The following PRKCB variants were observed in gnomAD, a reference collection of about 807,000 sequenced individuals.
PRKCB encodes the protein protein kinase C beta type.
In PRKCB, 13 loss-of-function variants were observed where a neutral mutation model predicts 81.5. That is an observed-to-expected ratio of 0.16 (90% confidence interval 0.10 to 0.25). The LOEUF is 0.25. Ranked by LOEUF, PRKCB falls within the 10% of genes least tolerant of loss-of-function variation. The pLI is 1.00. For synonymous variants in PRKCB, 335 were observed against 321.4 expected, an observed-to-expected ratio of 1.04 and a Z score of -0.45; for missense variants, 509 against 875.7, an observed-to-expected ratio of 0.58 and a Z score of 5.29.
At chr16:24,167,732 C>A (rs982494512) in intron 10 of PRKCB, among the ~76,000 whole-genome samples, 1 of 152,176 alleles carries the variant, frequency 6.6e-6, no homozygotes. Context: ...GAACCTTTCA[C>A]ACAAGATGTA....
At chr16:23,869,673 C>A (rs1230685711) in intron 2 of PRKCB, among the ~76,000 whole-genome samples, 1 of 152,030 alleles carries the variant, frequency 6.6e-6, no homozygotes, top group African/African-American at 2.4e-5. Context: ...TCATTTCAAC[C>A]CATTTATTTT....
chr16:23,889,372 A>G (rs1296482345), intron 2 of PRKCB, among the ~76,000 whole-genome samples: 1 of 152,216 alleles, frequency 6.6e-6, no homozygotes, highest in Non-Finnish European at 1.5e-5. Flanking sequence ...CGGCATTATA[A>G]AGGTTATGTG....
intron 2 of PRKCB, among the ~76,000 whole-genome samples, chr16:23,881,994 C>CTT (rs1350673634): frequency 6.7e-5 from 4 of 59,864 alleles, no homozygotes; most frequent in African/African-American, 2.5e-4. Context: ...TTCTTTCTTT[C>CTT]TTTCTTTCTT....
At chr16:24,172,412 A>G (rs1967456646) in intron 11 of PRKCB, 51 bp downstream of exon 11, 1 of 1,527,810 alleles carries the variant, frequency 6.5e-7, no homozygotes, top group African/African-American at 1.4e-5. Context: ...TGGGTAGGTT[A>G]GTGGTTCCTT....
At chr16:24,129,523 CTATCT>C (rs1966850034) in intron 9 of PRKCB, among the ~76,000 whole-genome samples, 1 of 88,624 alleles carries the variant, frequency 1.1e-5, no homozygotes, top group African/African-American at 4.3e-5. Context: ...GCACGTGCAT[CTATCT>C]ATCTATCTAT....
chr16:23,900,576 A>G (rs1248404569), intron 2 of PRKCB, among the ~76,000 whole-genome samples: 5 of 151,448 alleles, frequency 3.3e-5, no homozygotes, highest in African/African-American at 9.7e-5. Context: ...GACATTCCGC[A>G]TATGAACCTT....
chr16:24,117,629 T>A (rs1243054182), intron 8 of PRKCB, among the ~76,000 whole-genome samples: 2 of 152,206 alleles, frequency 1.3e-5, no homozygotes, highest in Non-Finnish European at 2.9e-5. Flanking sequence ...CCAGTCATTG[T>A]CCTGGGTTTG....
At chr16:24,150,069 G>A (rs1967055853) in intron 9 of PRKCB, among the ~76,000 whole-genome samples, 1 of 152,104 alleles carries the variant, frequency 6.6e-6, no homozygotes, top group South Asian at 2.1e-4. Context: ...GGTGGCTTAC[G>A]CCTGTAATCC....
intron 3 of PRKCB, among the ~76,000 whole-genome samples, chr16:24,019,219 G>A (rs1383530526): frequency 2.7e-5 from 4 of 146,638 alleles, no homozygotes; most frequent in Admixed American, 6.9e-5. Context: ...ATTAAGAGTC[G>A]ACTTTCCCCG....
chr16:23,844,983 G>T (rs569188178), intron 2 of PRKCB, among the ~76,000 whole-genome samples: 8 of 152,068 alleles, frequency 5.3e-5, no homozygotes, highest in Non-Finnish European at 7.4e-5. Flanking sequence ...TGTATTTTTA[G>T]TAGAGACAGG....
At chr16:24,021,058 C>A (rs1965368340) in intron 3 of PRKCB, among the ~76,000 whole-genome samples, 1 of 54,282 alleles carries the variant, frequency 1.8e-5, no homozygotes, top group Admixed American at 2.2e-4. Flanking sequence ...TTCTTTCTTT[C>A]CCTCCCTCCC....
intron 3 of PRKCB, among the ~76,000 whole-genome samples, chr16:24,016,265 C>G (rs1481795862): frequency 6.6e-6 from 1 of 152,164 alleles, no homozygotes; most frequent in Non-Finnish European, 1.5e-5. Context: ...AATCGTGGCT[C>G]ACCACGGCTG....
At chr16:23,985,699 A>AT (rs1261506795) in intron 2 of PRKCB, among the ~76,000 whole-genome samples, 1 of 152,220 alleles carries the variant, frequency 6.6e-6, no homozygotes, top group Non-Finnish European at 1.5e-5. Flanking sequence ...TTCCATTGGT[A>AT]TTTTTAAAAT....
intron 9 of PRKCB, among the ~76,000 whole-genome samples, chr16:24,136,098 T>C (rs1048534097): frequency 1.3e-5 from 2 of 148,568 alleles, no homozygotes; most frequent in African/African-American, 4.9e-5. Flanking sequence ...TGCAGCGTGT[T>C]TTTTTTTTTT....
chr16:24,047,513 A>G (rs993400014), intron 5 of PRKCB, among the ~76,000 whole-genome samples: 2 of 151,724 alleles, frequency 1.3e-5, no homozygotes, highest in African/African-American at 4.8e-5. Flanking sequence ...GCTGGGCGAC[A>G]GAGCGAGACC....
At chr16:24,123,727 C>A in intron 8 of PRKCB, 108 bp from the exon 9 acceptor site, 1 of 1,165,768 alleles carries the variant, frequency 8.6e-7, no homozygotes. Context: ...TTCATGGGGA[C>A]AGGGTGCCGG....
At chr16:23,917,407 T>C (rs1201486932) in intron 2 of PRKCB, among the ~76,000 whole-genome samples, 1 of 152,222 alleles carries the variant, frequency 6.6e-6, no homozygotes, top group African/African-American at 2.4e-5. Flanking sequence ...TGCATCGTGG[T>C]CCATAGTATG....
At chr16:23,848,543 T>A (rs1411609084) in intron 2 of PRKCB, among the ~76,000 whole-genome samples, 2 of 152,182 alleles carry the variant, frequency 1.3e-5, no homozygotes, top group Non-Finnish European at 2.9e-5. Flanking sequence ...CTTCACTGTA[T>A]CCTTAGACGC....
chr16:24,060,990 GGACT>G (rs1247157220), intron 5 of PRKCB, among the ~76,000 whole-genome samples: 2 of 152,004 alleles, frequency 1.3e-5, no homozygotes, highest in East Asian at 3.8e-4. Context: ...CTTTTTGTAG[GGACT>G]GACTATTCTG....
Sources: gnomAD v4.1 joint callset for allele counts (sites outside exome capture counted in the v4.1 genomes callset) on GRCh38, gnomAD v4.1.1 for gene constraint, MANE v1.5 for transcripts, NCBI Gene and HGNC (gene_info 2026-07-23, HGNC 2026-07-21) for gene names.